The following MGAT5B variants were observed in gnomAD, a reference collection of about 807,000 sequenced individuals.
The protein encoded by MGAT5B is alpha-1,6-mannosylglycoprotein 6-beta-N-acetylglucosaminyltransferase B.
A neutral mutation model predicts 95.1 loss-of-function variants in MGAT5B; 54 were observed. That is an observed-to-expected ratio of 0.57 (90% CI 0.46 to 0.71). The LOEUF (loss-of-function observed/expected upper bound fraction) is 0.71, where lower values mean the gene tolerates loss of function less well. Ranked by LOEUF, MGAT5B falls within the 30% of genes least tolerant of loss-of-function variation. The probability of loss-of-function intolerance (pLI) is 0.00; values close to 1 mark genes in which losing one functional copy is unlikely to be tolerated. For synonymous variants in MGAT5B, 464 were observed against 451.0 expected (o/e 1.03, Z -0.36); for missense variants, 935 against 1,088.6 (o/e 0.86, Z 1.99).
intron 9 of MGAT5B, 50 bp downstream of exon 9, chr17:76,925,147 A>G (rs751810892): frequency 3.1e-6 from 5 of 1,605,006 alleles, no homozygotes; most frequent in Non-Finnish European, 8.5e-7. Flanking sequence ...CCAGGGGAGA[A>G]AGCTCCTCCT....
At chr17:76,924,816 C>T (rs982569606) in intron 8 of MGAT5B, 150 bp from the exon 9 acceptor site, 22 of 989,706 alleles carry the variant, frequency 2.2e-5, no homozygotes, top group South Asian at 5.0e-5. Flanking sequence ...CCTACGTTAC[C>T]GTACAGGGCC....
chr17:76,903,386 G>T lies in MGAT5B; in HGVS notation c.519+10G>T. 1 of 1,605,932 alleles carries T rather than the reference G, an allele frequency of 6.2e-7. No homozygotes were observed. Among genetic ancestry groups the T allele is most frequent in the Non-Finnish European group, 8.5e-7 (1 of 1,175,550 alleles). On this transcript the variant is annotated intron_variant, in intron 5 of 17. Coordinates refer to ENST00000569840, the MANE Select transcript of MGAT5B (RefSeq NM_001199172.2). ...CTCAGGGAAGGTGGAGGTGAGGCCT[G>T]GGGCTGAGGGGTGGGGATGTCTACA...
At chr17:76,872,821 C>A (rs1568159760) in intron 1 of MGAT5B, 30 bp from the exon 2 acceptor site, 1 of 1,614,206 alleles carries the variant, frequency 6.2e-7, no homozygotes, top group Non-Finnish European at 8.5e-7. Flanking sequence ...CCCTTCCTGC[C>A]CTCCTGACCC....
intron 2 of MGAT5B, among the ~76,000 whole-genome samples, chr17:76,880,740 G>A (rs1568164467): frequency 6.6e-6 from 1 of 152,218 alleles, no homozygotes; most frequent in Non-Finnish European, 1.5e-5. Flanking sequence ...GGAGACTGCA[G>A]TGTGTTCTAC....
intron 2 of MGAT5B, among the ~76,000 whole-genome samples, chr17:76,874,529 C>T (rs1420680732): frequency 1.3e-5 from 2 of 151,612 alleles, no homozygotes; most frequent in African/African-American, 2.4e-5. Flanking sequence ...CTGGCTGCCA[C>T]CCCTGGAAAG....
At position 76,938,112 on chromosome 17, in the gene MGAT5B, C is replaced by A; in HGVS notation, c.1553C>A (p.Pro518His). Residue 518 changes from proline (P) to histidine (H), a missense_variant, in exon 13 of 18, where the codon CCT becomes CAT. Transcript: ENST00000569840. The surrounding 1 kb of genome is among the most constrained non-coding windows in gnomAD (Gnocchi z 4.3). ...FVKNHGLLPQ[P>H]EFQQLLRKAK... is the part of the protein sequence containing the mutation. ...AAGAACCACGGCCTCTTACCGCAGC[C>A]TGAGTTTCAGCAGCTGCTGCGCAAG... The A allele has an allele frequency of 6.2e-7, 1 of 1,614,256 alleles. No individual in the cohort carries two copies. Among genetic ancestry groups the A allele is most frequent in the Non-Finnish European group, 8.5e-7 (1 of 1,180,042 alleles).
rs1025900245 is a variant in MGAT5B at position 76,869,189 on chromosome 17, C to T, written c.68+92C>T. ...CCTGCGAACGTTCAAGTCCTGGTGG[C>T]AGAGGGGGCGGTTCACACTTCAACC... On this transcript the variant is annotated intron_variant, in intron 1 of 17. Coordinates refer to ENST00000569840, the MANE Select transcript of MGAT5B (RefSeq NM_001199172.2). This position sits in a 1 kb window ranked among gnomAD's most constrained non-coding sequence, Gnocchi z 7.0. The T allele has an allele frequency of 9.6e-5, 110 of 1,149,726 alleles. No individual in the cohort carries two copies. The highest frequency in any genetic ancestry group is 2.1e-4 in the Admixed American group (12 of 58,100). 71.2% of individuals were successfully genotyped at this position (1,149,726 alleles called of 1,614,324 possible).
intron 3 of MGAT5B, among the ~76,000 whole-genome samples, chr17:76,893,008 G>A (rs1056320769): frequency 2.0e-5 from 3 of 152,170 alleles, no homozygotes; most frequent in Non-Finnish European, 4.4e-5. Context: ...GCAGGTCCAG[G>A]GCAGGCCTTT....
chr17:76,881,478 C>G (rs146058271), intron 2 of MGAT5B, among the ~76,000 whole-genome samples: 1 of 152,144 alleles, frequency 6.6e-6, no homozygotes, highest in Non-Finnish European at 1.5e-5. Context: ...GCCCAGAGGC[C>G]GGGCAGGAGA....
rs1970155835 is a variant in MGAT5B, at chr17:76,949,929, C to T, written c.*1091C>T. Reference sequence around the variant, plus strand: ...CAGTGCCGAGTCCTTGTCCCTACCTCCAGCTTCCTCCAGCCTCAAACCGCC... The same window carrying T: ...CAGTGCCGAGTCCTTGTCCCTACCTTCAGCTTCCTCCAGCCTCAAACCGCC... On this transcript the variant is annotated 3_prime_UTR_variant, in exon 18 of 18. Coordinates refer to ENST00000569840, the MANE Select transcript of MGAT5B (RefSeq NM_001199172.2). The T allele has an allele frequency of 6.6e-6, 1 of 151,752 alleles. No homozygotes were observed. The highest frequency in any genetic ancestry group is 2.4e-5 in the African/African-American group (1 of 41,260). 9.4% of individuals were successfully genotyped at this position (151,752 alleles called of 1,614,324 possible).
intron 3 of MGAT5B, among the ~76,000 whole-genome samples, chr17:76,890,320 G>T (rs940436165): frequency 6.6e-6 from 1 of 152,190 alleles, no homozygotes; most frequent in South Asian, 2.1e-4. Context: ...TCCAGAAGGG[G>T]GTGAGACCTC....
At chr17:76,929,023 G>A (rs1598981354) in intron 10 of MGAT5B, among the ~76,000 whole-genome samples, 1 of 152,092 alleles carries the variant, frequency 6.6e-6, no homozygotes, top group East Asian at 1.9e-4. Context: ...ACGTCACTTA[G>A]CCTGGCTAAT....
chr17:76,887,766 A>G (rs550860885), intron 3 of MGAT5B, among the ~76,000 whole-genome samples: 6 of 151,426 alleles, frequency 4.0e-5, no homozygotes, highest in African/African-American at 1.5e-4. Context: ...CATATTGCCC[A>G]GGCTGGTCTC....
In MGAT5B at chr17:76,912,172, C is replaced by A. The variant is rs2145207905; in HGVS notation, c.1025+5985C>A. Reference sequence around the variant, plus strand: ...CATTACCTCTGTAAGGACCCCAACTCCAAATAAGGTCATAGCCTGAAGAAC... The same window carrying A: ...CATTACCTCTGTAAGGACCCCAACTACAAATAAGGTCATAGCCTGAAGAAC... On this transcript the variant is annotated intron_variant, in intron 8 of 17. Transcript: ENST00000569840. The surrounding 1 kb of genome is among the most constrained non-coding windows in gnomAD (Gnocchi z 5.0). 6.6e-6 allele frequency among the ~76,000 whole-genome samples: 1 copy of A among 152,298 alleles called. No individual in the cohort carries two copies. Among genetic ancestry groups the A allele is most frequent in the East Asian group, 1.9e-4 (1 of 5,180 alleles).
chr17:76,943,616 G>A (rs1271023692), intron 15 of MGAT5B, among the ~76,000 whole-genome samples: 2 of 119,988 alleles, frequency 1.7e-5, no homozygotes, highest in African/African-American at 7.5e-5. Context: ...ATAGAGATGG[G>A]GTGGGGTGGG....
At chr17:76,927,805 G>GT (rs1969361385) in intron 10 of MGAT5B, among the ~76,000 whole-genome samples, 3 of 152,214 alleles carry the variant, frequency 2.0e-5, no homozygotes, top group Non-Finnish European at 4.4e-5. Context: ...GCCTCCAGCA[G>GT]CATCTTGCGT....
rs544570376 is a variant in MGAT5B, at chr17:76,889,347, A to G, written c.329+7049A>G. Among the ~76,000 whole-genome samples the G allele has an allele frequency of 7.2e-5, 11 of 152,204 alleles. No homozygotes were observed. The highest frequency in any genetic ancestry group is 2.6e-4 in the African/African-American group (11 of 41,542). On this transcript the variant is annotated intron_variant, in intron 3 of 17. Coordinates refer to ENST00000569840, the MANE Select transcript of MGAT5B (RefSeq NM_001199172.2). The surrounding 1 kb of genome is among the most constrained non-coding windows in gnomAD (Gnocchi z 4.4). ...TCACTGTGATGGGTTTGGGCCCACCAAGGGGTGGCTCCAGCAGGCAGGGAG... is the reference window on the plus strand; with the variant it reads ...TCACTGTGATGGGTTTGGGCCCACCGAGGGGTGGCTCCAGCAGGCAGGGAG...
chr17:76,896,553 T>C (rs1243667341), intron 3 of MGAT5B, among the ~76,000 whole-genome samples: 1 of 152,242 alleles, frequency 6.6e-6, no homozygotes, highest in Non-Finnish European at 1.5e-5. Flanking sequence ...GCACCTCCTG[T>C]ATGCTGAGTA....
intron 8 of MGAT5B, among the ~76,000 whole-genome samples, chr17:76,908,109 T>G (rs1968597524): frequency 6.6e-6 from 1 of 152,188 alleles, no homozygotes; most frequent in Admixed American, 6.5e-5. Flanking sequence ...AATTTGTGGC[T>G]TGCCTTTTTA....
Sources: gnomAD v4.1 joint callset for allele counts (sites outside exome capture counted in the v4.1 genomes callset) on GRCh38, gnomAD v4.1.1 for gene constraint, Gnocchi (gnomAD v3.1) non-coding constraint, MANE v1.5 for transcripts, NCBI Gene and HGNC (gene_info 2026-07-23, HGNC 2026-07-21) for gene names.